ARHGAP21: variants seen among roughly 807,000 people sequenced by gnomAD.
ARHGAP21 encodes rho GTPase-activating protein 21.
ARHGAP21 carries 38 observed loss-of-function variants against 164.6 expected under a neutral mutation model. The observed-to-expected ratio is 0.23, with a 90% CI of 0.18 to 0.30. The LOEUF (loss-of-function observed/expected upper bound fraction) is 0.30. ARHGAP21 is among the 10% of genes least tolerant of loss of function. The pLI, the probability that ARHGAP21 is intolerant of heterozygous loss-of-function variation, is 1.00. For synonymous variants in ARHGAP21, 766 were observed against 857.9 expected, an observed-to-expected ratio of 0.89 and a Z score of 1.87; for missense variants, 1,822 against 2,370.7, an observed-to-expected ratio of 0.77 and a Z score of 4.81.
intron 2 of ARHGAP21, among the ~76,000 whole-genome samples, chr10:24,695,090 AAAAAAAC>A (rs1843058615): frequency 8.5e-6 from 1 of 118,242 alleles, no homozygotes; most frequent in South Asian, 2.7e-4. Flanking sequence ...AAAAAAAAAA[AAAAAAAC>A]GAAAAGAAAG....
intron 3 of ARHGAP21, among the ~76,000 whole-genome samples, chr10:24,667,255 A>G (rs1315316386): frequency 6.6e-6 from 1 of 152,212 alleles, no homozygotes; most frequent in East Asian, 1.9e-4. Flanking sequence ...TTTCACAAAT[A>G]GAGATAAGCA....
At chr10:24,659,338 T>C (rs1839433167) in intron 4 of ARHGAP21, among the ~76,000 whole-genome samples, 1 of 152,124 alleles carries the variant, frequency 6.6e-6, no homozygotes, top group African/African-American at 2.4e-5. Context: ...TTTTTTGAGA[T>C]GGAATTTCAC....
chr10:24,692,771 G>T (rs1211078447), intron 2 of ARHGAP21, among the ~76,000 whole-genome samples: 1 of 152,008 alleles, frequency 6.6e-6, no homozygotes, highest in South Asian at 2.1e-4. Flanking sequence ...GGTGCAGGTT[G>T]CAGTGAGCAG....
At chr10:24,705,602 G>C (rs1036075405) in intron 2 of ARHGAP21, among the ~76,000 whole-genome samples, 3 of 152,318 alleles carry the variant, frequency 2.0e-5, no homozygotes, top group Non-Finnish European at 4.4e-5. Context: ...CTGAGAAATG[G>C]TTGGGGCTGG....
intron 2 of ARHGAP21, among the ~76,000 whole-genome samples, chr10:24,713,406 T>G (rs1845039811): frequency 6.6e-6 from 1 of 152,178 alleles, no homozygotes; most frequent in Non-Finnish European, 1.5e-5. Flanking sequence ...CAGGGAAAAG[T>G]AAATAAAGTC....
At chr10:24,624,686 A>G (rs1834922877) in intron 7 of ARHGAP21, among the ~76,000 whole-genome samples, 1 of 151,772 alleles carries the variant, frequency 6.6e-6, no homozygotes, top group Admixed American at 6.6e-5. Flanking sequence ...TTTGGGGAGG[A>G]ATATTATTTT....
At chr10:24,591,559 C>T (rs1167617721) in intron 23 of ARHGAP21, 83 bp downstream of exon 23, 48 of 1,526,016 alleles carry the variant, frequency 3.1e-5, no homozygotes, top group Non-Finnish European at 4.3e-5. Flanking sequence ...AATAGCAAAG[C>T]AGGAAGTTGA....
In ARHGAP21 at chr10:24,585,896, G is replaced by A. The variant is rs1369299196; in HGVS notation, c.4393C>T (p.Leu1465=). The change falls in exon 26 of 26, where the codon CTG becomes TTG. Residue 1465 remains leucine, a synonymous_variant. Coordinates refer to ENST00000396432, the MANE Select transcript of ARHGAP21 (RefSeq NM_020824.4). Reference sequence around the variant, plus strand: ...ATGATGATCTTCTGTTTTCTGCCCAGTGTCTCACTTTCTTTTTTGGACTCC... The same window carrying A: ...ATGATGATCTTCTGTTTTCTGCCCAATGTCTCACTTTCTTTTTTGGACTCC... ...KEESKKESET[L]GRKQKIIIAK... 1.2e-6 allele frequency: 2 copies of A among 1,614,026 alleles called. No individual in the cohort carries two copies.
In ARHGAP21 at chr10:24,589,252, A is replaced by G; in HGVS notation, c.4182+19T>C. ...ACAATTCCCCCCTAAAATATTTCAA[A>G]TTGTATGAAACAATTTACCTTAGAT... On this transcript the variant is annotated intron_variant, in intron 25 of 25. Transcript: ENST00000396432. The G allele has an allele frequency of 1.3e-6, 2 of 1,595,032 alleles. No homozygotes were observed. The highest frequency in any genetic ancestry group is 1.7e-6 in the Non-Finnish European group (2 of 1,165,102).
chr10:24,590,244 A>G, intron 24 of ARHGAP21: 1 of 1,478,444 alleles, frequency 6.8e-7, no homozygotes, highest in Non-Finnish European at 8.9e-7. Context: ...AGAAATAACA[A>G]GAAACAGCAG....
intron 7 of ARHGAP21, 23 bp from the exon 8 acceptor site, chr10:24,622,785 A>G: frequency 6.2e-7 from 1 of 1,607,892 alleles, no homozygotes; most frequent in Non-Finnish European, 8.5e-7. Context: ...AGGAAAACAT[A>G]GTAGAAGCTG....
intron 2 of ARHGAP21, among the ~76,000 whole-genome samples, chr10:24,714,574 T>A (rs1845169723): frequency 1.3e-5 from 2 of 152,192 alleles, no homozygotes; most frequent in African/African-American, 4.8e-5. Flanking sequence ...AGGTTTTAGC[T>A]TTAACCCTAA....
chr10:24,661,271 T>G (rs914255370), intron 4 of ARHGAP21, among the ~76,000 whole-genome samples: 1 of 151,518 alleles, frequency 6.6e-6, no homozygotes, highest in Admixed American at 6.6e-5. Context: ...TTAACCTTTT[T>G]CTTATAAAAA....
At chr10:24,598,448 G>C (rs2076674509) in intron 14 of ARHGAP21, among the ~76,000 whole-genome samples, 1 of 152,176 alleles carries the variant, frequency 6.6e-6, no homozygotes, top group South Asian at 2.1e-4. Flanking sequence ...GCCAGAATTT[G>C]TTAGTGACTG....
intron 25 of ARHGAP21, among the ~76,000 whole-genome samples, chr10:24,586,334 C>T (rs2076100103): frequency 6.6e-6 from 1 of 152,076 alleles, no homozygotes; most frequent in Non-Finnish European, 1.5e-5. Flanking sequence ...ACTGCCAAGC[C>T]ACAGCTCATA....
intron 25 of ARHGAP21, among the ~76,000 whole-genome samples, chr10:24,587,796 A>G (rs2076167347): frequency 6.6e-6 from 1 of 152,150 alleles, no homozygotes; most frequent in African/African-American, 2.4e-5. Context: ...TTCTCTTTAC[A>G]ATTCTATGAT....
At chr10:24,668,239 T>C (rs1231687415) in intron 3 of ARHGAP21, among the ~76,000 whole-genome samples, 1 of 152,336 alleles carries the variant, frequency 6.6e-6, no homozygotes, top group Non-Finnish European at 1.5e-5. Context: ...TGGAATAGCA[T>C]CATTTCATTC....
intron 2 of ARHGAP21, among the ~76,000 whole-genome samples, chr10:24,702,410 C>T (rs555924962): frequency 3.9e-5 from 6 of 152,120 alleles, no homozygotes; most frequent in African/African-American, 7.2e-5. Flanking sequence ...GGATTACAGG[C>T]GTGAGCCACC....
chr10:24,633,271 T>C, intron 6 of ARHGAP21, 131 bp downstream of exon 6: 1 of 641,454 alleles, frequency 1.6e-6, no homozygotes, highest in Non-Finnish European at 2.5e-6. Context: ...TCAAATGCAT[T>C]ATATCTAAGG....
Sources: gnomAD v4.1 joint callset for allele counts (sites outside exome capture counted in the v4.1 genomes callset) on GRCh38, gnomAD v4.1.1 for gene constraint, MANE v1.5 for transcripts, NCBI Gene and HGNC (gene_info 2026-07-23, HGNC 2026-07-21) for gene names.